IZUMO1: variants seen among roughly 807,000 people sequenced by gnomAD.
The protein encoded by IZUMO1 is izumo sperm-egg fusion protein 1.
A neutral mutation model predicts 40.7 loss-of-function variants in IZUMO1; 44 were observed. The observed-to-expected ratio is 1.08, with a 90% confidence interval of 0.85 to 1.39. The LOEUF is 1.39. Ranked by LOEUF, IZUMO1 falls within the 40% of genes most tolerant of loss-of-function variation. The pLI is 0.00. For synonymous variants in IZUMO1, 149 were observed against 170.9 expected, an observed-to-expected ratio of 0.87 and a Z score of 1.00; for missense variants, 368 against 436.9, an observed-to-expected ratio of 0.84 and a Z score of 1.41.
intron 1 of IZUMO1, 30 bp from the exon 2 acceptor site, chr19:48,745,962 A>G: frequency 6.5e-7 from 1 of 1,533,758 alleles, no homozygotes; most frequent in Non-Finnish European, 8.8e-7. Flanking sequence ...AATCCATCTT[A>G]AGAAATCCCA....
Position 48,741,074 on chromosome 19 carries a change from T to TAA in IZUMO1, c.933-48_933-47dup. 1 of 1,610,204 alleles carries TAA rather than the reference T, an allele frequency of 6.2e-7. No homozygotes were observed. Among genetic ancestry groups the TAA allele is most frequent in the Non-Finnish European group, 8.5e-7 (1 of 1,178,022 alleles). ...CAGATCATGGAACCGGTTTGGGTAC[T>TAA]AATTGTGTGGGGGACACCCCTCCCA... On this transcript the variant is annotated intron_variant, in intron 9 of 9. Coordinates refer to ENST00000332955, the MANE Select transcript of IZUMO1 (RefSeq NM_182575.3). The surrounding 1 kb of genome is among the most constrained non-coding windows in gnomAD (Gnocchi z 4.4).
chr19:48,743,425 G>C lies in IZUMO1; in HGVS notation c.499+20C>G, dbSNP rs1237415400. ...CACCCCACCTGCACCAATTCCTCCTGCTGGGTCCAGTTCTCTCACCCCCGC... is the reference window on the plus strand; with the variant it reads ...CACCCCACCTGCACCAATTCCTCCTCCTGGGTCCAGTTCTCTCACCCCCGC... On this transcript the variant is annotated intron_variant, in intron 6 of 9. Coordinates refer to ENST00000332955, the MANE Select transcript of IZUMO1 (RefSeq NM_182575.3). 5 of 1,613,436 alleles carry C rather than the reference G, an allele frequency of 3.1e-6. No individual in the cohort carries two copies. Among genetic ancestry groups the C allele is most frequent in the South Asian group, 1.1e-5 (1 of 91,060 alleles).
chr19:48,746,417 C>T lies in IZUMO1; in HGVS notation c.-74+18G>A. On this transcript the variant is annotated intron_variant, in intron 1 of 9. Coordinates refer to ENST00000332955, the MANE Select transcript of IZUMO1 (RefSeq NM_182575.3). ...GATATTATCAAACTCGGAACTCCTTCAAAACCAAAACACATACCAGATTCC... is the reference window on the plus strand; with the variant it reads ...GATATTATCAAACTCGGAACTCCTTTAAAACCAAAACACATACCAGATTCC... 4.0e-6 allele frequency: 4 copies of T among 992,222 alleles called. No homozygotes were observed. Among genetic ancestry groups the T allele is most frequent in the Non-Finnish European group, 4.8e-6 (4 of 833,510 alleles). The allele number at this position is 992,222 out of a possible 1,614,324, so 61.5% of individuals were successfully genotyped here.
chr19:48,746,903 A>G lies in IZUMO1; in HGVS notation c.-542T>C. The G allele has an allele frequency of 1.0e-6, 1 of 985,258 alleles. No individual in the cohort carries two copies. Among genetic ancestry groups the G allele is most frequent in the Non-Finnish European group, 1.2e-6 (1 of 829,898 alleles). 61.0% of individuals were successfully genotyped at this position (985,258 alleles called of 1,614,324 possible). ...CGTAGGGGCCCGAATTCCTTTATAG[A>G]TATTCCTTGGGGTTTTCCTCGGCCC... is the stretch of plus-strand genomic sequence containing the variant. On this transcript the variant is annotated 5_prime_UTR_variant, in exon 1 of 10. Transcript: ENST00000332955.
chr19:48,742,474 A>T (rs2033736168), intron 6 of IZUMO1, among the ~76,000 whole-genome samples, 165 bp from the exon 7 acceptor site: 2 of 151,442 alleles, frequency 1.3e-5, no homozygotes, highest in Non-Finnish European at 2.9e-5. Context: ...CAGCCTCCTG[A>T]GTATCTGGGA....
chr19:48,743,303 G>T, intron 6 of IZUMO1, 142 bp downstream of exon 6: 1 of 720,408 alleles, frequency 1.4e-6, no homozygotes, highest in Non-Finnish European at 2.4e-6. Flanking sequence ...GAGACTATAG[G>T]TGTGAACCAC....
intron 7 of IZUMO1, 69 bp from the exon 8 acceptor site, chr19:48,742,011 A>C (rs2033715384): frequency 1.3e-6 from 2 of 1,542,000 alleles, no homozygotes; most frequent in Non-Finnish European, 1.8e-6. Flanking sequence ...AGGGGTGAGA[A>C]GATCACAGGG....
At chr19:48,744,786 A>G (rs2033829968) in intron 3 of IZUMO1, among the ~76,000 whole-genome samples, 1 of 152,000 alleles carries the variant, frequency 6.6e-6, no homozygotes, top group South Asian at 2.1e-4. Flanking sequence ...TCCTGGACTC[A>G]AGCAATCCCC....
At chr19:48,742,161 G>T in intron 7 of IZUMO1, 48 bp downstream of exon 7, 1 of 1,516,548 alleles carries the variant, frequency 6.6e-7, no homozygotes, top group Non-Finnish European at 9.2e-7. Flanking sequence ...CAGAACACAA[G>T]TATTGTAGTC....
rs749234230 is a variant in IZUMO1, at chr19:48,741,030, T to A, written c.933-2A>T. ...ATCACCTTCCTTCGACGAAATATCC[T>A]AGGGGTGGGAGTGGGGTGCAGATCA... On this transcript the variant is annotated splice_acceptor_variant, in intron 9 of 9. Transcript: ENST00000332955. LOFTEE classifies it high-confidence loss of function. This position sits in a 1 kb window ranked among gnomAD's most constrained non-coding sequence, Gnocchi z 4.4. 9 of 1,613,830 alleles carry A rather than the reference T, an allele frequency of 5.6e-6. No homozygotes were observed. Among genetic ancestry groups the A allele is most frequent in the Non-Finnish European group, 7.6e-6 (9 of 1,179,972 alleles).
intron 2 of IZUMO1, 50 bp from the exon 3 acceptor site, chr19:48,745,338 G>C: frequency 5.2e-6 from 8 of 1,524,880 alleles, no homozygotes; most frequent in Non-Finnish European, 7.3e-6. Context: ...TCTCATTGGC[G>C]CGCCTAATCT....
At chr19:48,744,079 A>G in intron 5 of IZUMO1, 96 bp downstream of exon 5, 1 of 1,100,146 alleles carries the variant, frequency 9.1e-7, no homozygotes, top group Non-Finnish European at 1.4e-6. Context: ...TCTCCAAGGC[A>G]GAGAATGACA....
chr19:48,744,578 T>C, intron 3 of IZUMO1, 39 bp from the exon 4 acceptor site: 1 of 1,461,786 alleles, frequency 6.8e-7, no homozygotes, highest in Non-Finnish European at 9.6e-7. Flanking sequence ...ACGTGTGAGG[T>C]GTTGGAAGTT....
Position 48,741,291 on chromosome 19 carries a change from G to T in IZUMO1, c.932+10C>A, listed in dbSNP as rs751846962. On this transcript the variant is annotated intron_variant, in intron 9 of 9. Transcript: ENST00000332955. The surrounding 1 kb of genome is among the most constrained non-coding windows in gnomAD (Gnocchi z 4.4). ...CAAGCCAAGCCTGTCTTCTTCAATGGGTTGCTTACGCAAAGGTAAGGCCGG... is the reference window on the plus strand; with the variant it reads ...CAAGCCAAGCCTGTCTTCTTCAATGTGTTGCTTACGCAAAGGTAAGGCCGG... 6.3e-7 allele frequency: 1 copy of T among 1,579,404 alleles called. No individual in the cohort carries two copies.
At position 48,746,832 on chromosome 19, in the gene IZUMO1, C is replaced by A; in HGVS notation, c.-471G>T. 2.0e-6 allele frequency: 2 copies of A among 985,292 alleles called. No individual in the cohort carries two copies. The highest frequency in any genetic ancestry group is 1.2e-6 in the Non-Finnish European group (1 of 829,902). 61.0% of individuals were successfully genotyped at this position (985,292 alleles called of 1,614,324 possible). On this transcript the variant is annotated 5_prime_UTR_variant, in exon 1 of 10. Coordinates refer to ENST00000332955, the MANE Select transcript of IZUMO1 (RefSeq NM_182575.3). ...GACGGGGTCTGAGTCACGGACGATC[C>A]CCTCTCCACAAGGAACTCCTGAAAC...
intron 1 of IZUMO1, chr19:48,746,156 A>C: frequency 8.1e-7 from 1 of 1,240,888 alleles, no homozygotes; most frequent in Non-Finnish European, 1.0e-6. Flanking sequence ...AAAACTATTA[A>C]ACAGGAATCA....
chr19:48,744,811 C>G (rs2033831016), intron 3 of IZUMO1, among the ~76,000 whole-genome samples: 2 of 152,098 alleles, frequency 1.3e-5, no homozygotes, highest in Admixed American at 6.6e-5. Flanking sequence ...CTCAACCCCC[C>G]AAGTAGCTAG....
chr19:48,741,066 T>G lies in IZUMO1; in HGVS notation c.933-38A>C. On this transcript the variant is annotated intron_variant, in intron 9 of 9. Transcript: ENST00000332955. The surrounding 1 kb of genome is among the most constrained non-coding windows in gnomAD (Gnocchi z 4.4). ...GTGGGGTGCAGATCATGGAACCGGT[T>G]TGGGTACTAATTGTGTGGGGGACAC... 6.2e-7 allele frequency: 1 copy of G among 1,612,244 alleles called. No individual in the cohort carries two copies. Among genetic ancestry groups the G allele is most frequent in the South Asian group, 1.1e-5 (1 of 90,976 alleles).
Position 48,746,787 on chromosome 19 carries a change from C to T in IZUMO1, c.-426G>A. ...TTGGGGACGAGGGTAAGGTTGGTTG[C>T]GTGAAATCGAGAGCTTTTCGACGGG... On this transcript the variant is annotated 5_prime_UTR_variant, in exon 1 of 10. Transcript: ENST00000332955. 1 of 985,340 alleles carries T rather than the reference C, an allele frequency of 1.0e-6. No homozygotes were observed. Among genetic ancestry groups the T allele is most frequent in the Non-Finnish European group, 1.2e-6 (1 of 829,916 alleles). The allele number at this position is 985,340 out of a possible 1,614,324, so 61.0% of individuals were successfully genotyped here.
Sources: gnomAD v4.1 joint callset for allele counts (sites outside exome capture counted in the v4.1 genomes callset) on GRCh38, gnomAD v4.1.1 for gene constraint, Gnocchi (gnomAD v3.1) non-coding constraint, MANE v1.5 for transcripts, NCBI Gene and HGNC (gene_info 2026-07-23, HGNC 2026-07-21) for gene names.